The following SNTG1 variants were observed in gnomAD, a reference collection of about 807,000 sequenced individuals.
SNTG1 encodes syntrophin gamma 1.
Under a neutral mutation model 74.7 loss-of-function variants are expected in SNTG1, and 39 were observed. The observed-to-expected ratio is 0.52, with a 90% CI of 0.40 to 0.68. The LOEUF is 0.68. SNTG1 is among the 30% of genes least tolerant of loss of function. The pLI is 0.00. For synonymous variants in SNTG1, 254 were observed against 217.1 expected, an observed-to-expected ratio of 1.17 and a Z score of -1.49; for missense variants, 685 against 609.5, an observed-to-expected ratio of 1.12 and a Z score of -1.30.
At chr8:50,147,383 C>T (rs962064748) in intron 1 of SNTG1, among the ~76,000 whole-genome samples, 1 of 152,068 alleles carries the variant, frequency 6.6e-6, no homozygotes, top group African/African-American at 2.4e-5. Flanking sequence ...TGACTGGTAA[C>T]TGTAAAGTAA....
At chr8:50,414,135 C>T (rs1465014968) in intron 4 of SNTG1, among the ~76,000 whole-genome samples, 1 of 152,102 alleles carries the variant, frequency 6.6e-6, no homozygotes, top group Non-Finnish European at 1.5e-5. Context: ...ACTGTGGGCT[C>T]ATGGTCTTGG....
chr8:50,657,424 C>T (rs1365789714), intron 14 of SNTG1, among the ~76,000 whole-genome samples: 4 of 152,044 alleles, frequency 2.6e-5, no homozygotes, highest in Non-Finnish European at 5.9e-5. Flanking sequence ...TGTTTTAGGG[C>T]TATACATGAA....
intron 5 of SNTG1, among the ~76,000 whole-genome samples, chr8:50,443,255 T>G (rs2093375111): frequency 6.6e-6 from 1 of 152,196 alleles, no homozygotes. Flanking sequence ...ATTATTAAAT[T>G]ATACTTCTGT....
At chr8:50,731,726 T>C (rs1303642257) in intron 17 of SNTG1, among the ~76,000 whole-genome samples, 1 of 152,138 alleles carries the variant, frequency 6.6e-6, no homozygotes, top group Admixed American at 6.6e-5. Flanking sequence ...CTGCTCATCC[T>C]TTTCATCATT....
chr8:50,301,616 T>G (rs1005936269), intron 2 of SNTG1, among the ~76,000 whole-genome samples: 4 of 152,090 alleles, frequency 2.6e-5, no homozygotes, highest in Admixed American at 6.6e-5. Flanking sequence ...TTTTTAAGCT[T>G]ATCTTATTTT....
intron 17 of SNTG1, among the ~76,000 whole-genome samples, chr8:50,732,738 C>T (rs984601133): frequency 6.6e-6 from 1 of 151,556 alleles, no homozygotes; most frequent in African/African-American, 2.4e-5. Context: ...TCCACATAAC[C>T]TTACTAGCTT....
intron 1 of SNTG1, among the ~76,000 whole-genome samples, chr8:50,038,570 C>A (rs1293885601): frequency 6.6e-6 from 1 of 152,080 alleles, no homozygotes; most frequent in African/African-American, 2.4e-5. Flanking sequence ...GATCATTTTT[C>A]TTTCCATCAA....
At chr8:50,407,926 C>A (rs2092900535) in intron 4 of SNTG1, among the ~76,000 whole-genome samples, 1 of 152,092 alleles carries the variant, frequency 6.6e-6, no homozygotes, top group Non-Finnish European at 1.5e-5. Flanking sequence ...AGTCACTGGT[C>A]TGGGTGGCAT....
intron 2 of SNTG1, among the ~76,000 whole-genome samples, chr8:50,272,121 G>C (rs2087816559): frequency 6.6e-6 from 1 of 152,152 alleles, no homozygotes; most frequent in Non-Finnish European, 1.5e-5. Context: ...CAGCCACACA[G>C]TCTAAGGTGT....
chr8:50,679,041 CA>C (rs1197007190), intron 15 of SNTG1, among the ~76,000 whole-genome samples: 1 of 151,930 alleles, frequency 6.6e-6, no homozygotes, highest in Admixed American at 6.6e-5. Context: ...TAAATCAAAA[CA>C]TGGAATAATA....
chr8:50,013,441 A>C, intron 1 of SNTG1, among the ~76,000 whole-genome samples: 1 of 151,790 alleles, frequency 6.6e-6, no homozygotes, highest in East Asian at 1.9e-4. Context: ...CATTAAATCT[A>C]TAACCTCCAG....
intron 13 of SNTG1, among the ~76,000 whole-genome samples, chr8:50,598,214 A>G (rs1013717134): frequency 1.3e-5 from 2 of 151,914 alleles, no homozygotes; most frequent in Admixed American, 6.6e-5. Flanking sequence ...TCTTACTTAA[A>G]GTTCAAGTCT....
chr8:50,021,914 C>T lies in SNTG1; in HGVS notation c.-103+109683C>T, dbSNP rs978730231. Among the ~76,000 whole-genome samples, 9 of 144,186 alleles carry T rather than the reference C, an allele frequency of 6.2e-5. No homozygotes were observed. In the South Asian group the frequency reaches 8.8e-4, roughly 14 times the overall value. 94.6% of individuals were successfully genotyped at this position (144,186 alleles called of 152,430 possible). A position where few individuals can be genotyped will look rare whatever the true frequency, so the allele number is the denominator to read the frequency against. On this transcript the variant is annotated intron_variant, in intron 1 of 18. Coordinates refer to ENST00000642720, the MANE Select transcript of SNTG1 (RefSeq NM_018967.5). ...CAGGATCACACCACTGCACTCCAGCCTGGGTGACACAGTGAGACCCTCTCA... is the reference window on the plus strand; with the variant it reads ...CAGGATCACACCACTGCACTCCAGCTTGGGTGACACAGTGAGACCCTCTCA...
At chr8:50,094,085 T>C (rs1563583524) in intron 1 of SNTG1, among the ~76,000 whole-genome samples, 2 of 152,108 alleles carry the variant, frequency 1.3e-5, no homozygotes, top group Admixed American at 6.6e-5. Flanking sequence ...GTCTGAGTCT[T>C]GTGGAGGTGT....
At chr8:50,082,996 A>G (rs1370058043) in intron 1 of SNTG1, among the ~76,000 whole-genome samples, 1 of 152,164 alleles carries the variant, frequency 6.6e-6, no homozygotes, top group Non-Finnish European at 1.5e-5. Flanking sequence ...TTTAATGTAT[A>G]ATACTCCCAA....
At chr8:50,229,272 G>A (rs1250331303) in intron 2 of SNTG1, among the ~76,000 whole-genome samples, 2 of 151,626 alleles carry the variant, frequency 1.3e-5, no homozygotes, top group South Asian at 2.1e-4. Flanking sequence ...ATTATTTCAA[G>A]TGGACATAAT....
rs529663568 is a variant in SNTG1, at chr8:50,567,387, T to C, written c.810+14208T>C. 9.2e-5 allele frequency among the ~76,000 whole-genome samples: 14 copies of C among 152,278 alleles called. No homozygotes were observed. The East Asian group carries it at 1.9e-3, about 21-fold the overall frequency. The stretch of plus-strand genomic sequence containing the variant: ...AAGGTTACTTACAGATGTAAAGGAA[T>C]CTCCTCTTTGATTCTGATTCTTCCC... On this transcript the variant is annotated intron_variant, in intron 12 of 18. Coordinates refer to ENST00000642720, the MANE Select transcript of SNTG1 (RefSeq NM_018967.5).
At chr8:50,322,442 T>C (rs61606831) in intron 2 of SNTG1, among the ~76,000 whole-genome samples, 1,950 of 152,292 alleles carry the variant, frequency 0.013, 42 homozygotes, top group African/African-American at 0.044. Flanking sequence ...TTCTTTTCTC[T>C]TGCTGCTTTT....
At chr8:50,727,167 T>TG (rs2095502219) in intron 17 of SNTG1, among the ~76,000 whole-genome samples, 1 of 152,088 alleles carries the variant, frequency 6.6e-6, no homozygotes, top group Non-Finnish European at 1.5e-5. Flanking sequence ...ATGAGGTGTG[T>TG]GGGAATTAGA....
Sources: allele counts gnomAD v4.1 joint callset (sites outside exome capture counted in the v4.1 genomes callset), GRCh38; gene constraint gnomAD v4.1.1; transcripts MANE v1.5; gene names NCBI Gene and HGNC (gene_info 2026-07-23, HGNC 2026-07-21).